The following TRPV1 variants were observed in gnomAD, a reference collection of about 807,000 sequenced individuals.
TRPV1 encodes the protein transient receptor potential cation channel subfamily V member 1.
A neutral mutation model predicts 82.3 loss-of-function variants in TRPV1; 82 were observed. The observed-to-expected ratio is 1.00, with a 90% CI of 0.83 to 1.20. The LOEUF (loss-of-function observed/expected upper bound fraction) is 1.20, where lower values mean the gene tolerates loss of function less well. Among genes scored for constraint, TRPV1 ranks in the 50% most tolerant of loss-of-function variants. The pLI is 0.00. For missense variants in TRPV1, 1,067 were observed against 1,096.8 expected (o/e 0.97, Z 0.38); for synonymous variants, 515 against 467.7 (o/e 1.10, Z -1.30).
intron 13 of TRPV1, among the ~76,000 whole-genome samples, chr17:3,574,632 C>G (rs986132315): frequency 3.9e-5 from 6 of 152,184 alleles, no homozygotes; most frequent in African/African-American, 1.4e-4. Context: ...GGATGAGCAT[C>G]AAAGCAGAGT....
rs182422021 is a variant in TRPV1, at chr17:3,573,681, C to T, written c.2055G>A (p.Glu685=). 132 of 1,614,044 alleles carry T rather than the reference C, an allele frequency of 8.2e-5. No homozygotes were observed. The African/African-American group carries it at 1.7e-3, about 20-fold the overall frequency. Residue 685 remains glutamate (E), a synonymous_variant, in exon 14 of 17, where the codon GAG becomes GAA. Coordinates refer to ENST00000572705, the MANE Select transcript of TRPV1 (RefSeq NM_080704.4). ...LLNMLIALMG[E]TVNKIAQESK... Reference sequence around the variant, plus strand: ...TCTCCTGTGCGATCTTGTTGACAGTCTCACCCATGAGGGCGATGAGCATGT... The same window carrying T: ...TCTCCTGTGCGATCTTGTTGACAGTTTCACCCATGAGGGCGATGAGCATGT...
chr17:3,580,393 T>C, intron 11 of TRPV1, 64 bp downstream of exon 11: 2 of 1,565,044 alleles, frequency 1.3e-6, no homozygotes, highest in Non-Finnish European at 1.8e-6. Flanking sequence ...GAGTGAGACC[T>C]CAAGTGAGAA....
chr17:3,595,939 T>A (rs1046459652), intron 2 of TRPV1: 1 of 152,164 alleles, frequency 6.6e-6, no homozygotes, highest in African/African-American at 2.4e-5. Context: ...AGGACAGCCC[T>A]CCACTGCCAG....
chr17:3,582,696 G>A (rs546681249), intron 10 of TRPV1, among the ~76,000 whole-genome samples: 48 of 152,000 alleles, frequency 3.2e-4, no homozygotes, highest in Non-Finnish European at 4.9e-4. Flanking sequence ...GGTGGCTCAC[G>A]CCTGTAATCC....
At chr17:3,596,758 ACC>A (rs918036930) in intron 2 of TRPV1, among the ~76,000 whole-genome samples, 35 of 152,058 alleles carry the variant, frequency 2.3e-4, no homozygotes, top group African/African-American at 8.4e-4. Context: ...CACTCTTACT[ACC>A]CCCCGTTTTC....
chr17:3,594,787 G>A (rs567935003), intron 2 of TRPV1, among the ~76,000 whole-genome samples: 4 of 152,336 alleles, frequency 2.6e-5, no homozygotes, highest in South Asian at 4.1e-4. Flanking sequence ...CTGGCTGGGC[G>A]GAGGGACTGC....
chr17:3,585,977 G>A lies in TRPV1; in HGVS notation c.1225-51C>T, dbSNP rs375473541. The A allele has an allele frequency of 7.8e-5, 125 of 1,605,364 alleles. 1 individual carries two copies. The highest frequency in any genetic ancestry group is 1.7e-4 in the Middle Eastern group (1 of 5,938). ...TTCCCTCCTGCAGCAGGAACTCCTC[G>A]CACGCCCACACCAGCCCGTGGTGCC... On this transcript the variant is annotated intron_variant, in intron 8 of 16. Transcript: ENST00000572705.
At chr17:3,602,976 C>G (rs1029036286) in intron 2 of TRPV1, among the ~76,000 whole-genome samples, 3 of 152,002 alleles carry the variant, frequency 2.0e-5, no homozygotes, top group African/African-American at 7.2e-5. Flanking sequence ...ACAAAATTAG[C>G]CAGGCGTGGT....
Position 3,580,544 on chromosome 17 carries a change from AGAGT to A in TRPV1, c.1477-21_1477-18del. ...ATACTGAATCTGCAGGTAAACAGAGAGAGTAAGATCCCAGGCAATGCTCGATGTG... is the reference window on the plus strand; with the variant it reads ...ATACTGAATCTGCAGGTAAACAGAGAAAGATCCCAGGCAATGCTCGATGTG... On this transcript the variant is annotated intron_variant, in intron 10 of 16. Transcript: ENST00000572705. 1.2e-6 allele frequency: 2 copies of A among 1,613,944 alleles called. No homozygotes were observed. Among genetic ancestry groups the A allele is most frequent in the South Asian group, 1.1e-5 (1 of 91,086 alleles).
intron 2 of TRPV1, among the ~76,000 whole-genome samples, chr17:3,594,865 G>C (rs2075204206): frequency 2.0e-5 from 3 of 152,216 alleles, no homozygotes; most frequent in Admixed American, 1.3e-4. Context: ...CCTGGGAAGG[G>C]AACAGAGGTG....
At chr17:3,594,445 C>G (rs1407440124) in intron 2 of TRPV1, among the ~76,000 whole-genome samples, 1 of 151,998 alleles carries the variant, frequency 6.6e-6, no homozygotes, top group Non-Finnish European at 1.5e-5. Flanking sequence ...GAGCACACAA[C>G]TGGGCCATGG....
chr17:3,571,563 C>A lies in TRPV1; in HGVS notation c.2308G>T (p.Val770Phe), dbSNP rs201558494. ...AGGGAGAAGCTCAGGGTGCGCTTGA[C>A]GCCCTCACAGTTGCCCGGGTCTTCG... ...INEDPGNCEG[V>F]KRTLSFSLRS... is the part of the protein sequence containing the mutation. Residue 770 changes from valine to phenylalanine, a missense_variant, in exon 16 of 17, where the codon GTC (valine) becomes TTC (phenylalanine). Val to Phe is a conservative substitution (Grantham distance 50). Transcript: ENST00000572705. The A allele has an allele frequency of 2.5e-6, 4 of 1,611,502 alleles. No homozygotes were observed. The highest frequency in any genetic ancestry group is 2.7e-5 in the African/African-American group (2 of 74,902).
At chr17:3,575,819 A>G (rs534809139) in intron 13 of TRPV1, among the ~76,000 whole-genome samples, 1 of 152,284 alleles carries the variant, frequency 6.6e-6, no homozygotes, top group South Asian at 2.1e-4. Flanking sequence ...TATAATCGTG[A>G]GGAAACATCA....
chr17:3,591,329 G>A lies in TRPV1; in HGVS notation c.309C>T (p.Ala103=), dbSNP rs202235499. The A allele has an allele frequency of 3.5e-5, 56 of 1,594,118 alleles. No individual in the cohort carries two copies. Among genetic ancestry groups the A allele is most frequent in the South Asian group, 2.8e-4 (25 of 89,400 alleles). ...GCCTGAGGGTCTTCTCGGTGCTGGCGGCGACAGAGTCCTGGGACAGCAGCC... is the reference window on the plus strand; with the variant it reads ...GCCTGAGGGTCTTCTCGGTGCTGGCAGCGACAGAGTCCTGGGACAGCAGCC... ...GARLLSQDSV[A]ASTEKTLRLY... The change falls in exon 4 of 17, where the codon GCC becomes GCT. Residue 103 remains alanine (A), a synonymous_variant. Coordinates refer to ENST00000572705, the MANE Select transcript of TRPV1 (RefSeq NM_080704.4).
intron 2 of TRPV1, among the ~76,000 whole-genome samples, chr17:3,596,497 C>G (rs2075220895): frequency 6.6e-6 from 1 of 152,238 alleles, no homozygotes; most frequent in East Asian, 1.9e-4. Context: ...AGCACAAGGA[C>G]CCAGTGTGCC....
At chr17:3,599,398 C>G (rs1357438600) in intron 2 of TRPV1, among the ~76,000 whole-genome samples, 1 of 152,034 alleles carries the variant, frequency 6.6e-6, no homozygotes, top group Non-Finnish European at 1.5e-5. Flanking sequence ...TTTCATCATC[C>G]CAAACTGAAA....
chr17:3,589,660 TATTC>T, intron 7 of TRPV1, 143 bp downstream of exon 7: 1 of 1,022,642 alleles, frequency 9.8e-7, no homozygotes, highest in Non-Finnish European at 1.4e-6. Flanking sequence ...TTCTCAGACT[TATTC>T]TAACAGCCCT....
At chr17:3,572,933 A>G (rs2074875757) in intron 14 of TRPV1, among the ~76,000 whole-genome samples, 1 of 144,670 alleles carries the variant, frequency 6.9e-6, no homozygotes, top group South Asian at 2.3e-4. Flanking sequence ...CAGTCAGCCA[A>G]GATCATGCCA....
chr17:3,573,616 C>G lies in TRPV1; in HGVS notation c.2103+17G>C. On this transcript the variant is annotated intron_variant, in intron 14 of 16. Transcript: ENST00000572705. ...ACTCTCCGCGCCACTCACCACCCCCCAACTCCACCCACCCACCTGCAGCTT... is the reference window on the plus strand; with the variant it reads ...ACTCTCCGCGCCACTCACCACCCCCGAACTCCACCCACCCACCTGCAGCTT... 1 of 1,605,016 alleles carries G rather than the reference C, an allele frequency of 6.2e-7. No homozygotes were observed. Among genetic ancestry groups the G allele is most frequent in the Non-Finnish European group, 8.5e-7 (1 of 1,176,572 alleles).
Sources: gnomAD v4.1 joint callset for allele counts (sites outside exome capture counted in the v4.1 genomes callset) on GRCh38, gnomAD v4.1.1 for gene constraint, MANE v1.5 for transcripts, NCBI Gene and HGNC (gene_info 2026-07-23, HGNC 2026-07-21) for gene names.